CCBE1: variants seen among roughly 807,000 people sequenced by gnomAD.
CCBE1 encodes the protein collagen and calcium-binding EGF domain-containing protein 1.
A neutral mutation model predicts 50.0 loss-of-function variants in CCBE1; 37 were observed. The observed-to-expected ratio is 0.74, with a 90% CI of 0.57 to 0.97. The LOEUF (loss-of-function observed/expected upper bound fraction) is 0.97, where lower values mean the gene tolerates loss of function less well. Among genes scored for constraint, CCBE1 ranks in the 50% least tolerant of loss-of-function variants. The probability of loss-of-function intolerance (pLI) is 0.00; values close to 1 mark genes in which losing one functional copy is unlikely to be tolerated. For synonymous variants in CCBE1, 234 were observed against 203.7 expected, an observed-to-expected ratio of 1.15 and a Z score of -1.27; for missense variants, 538 against 523.8, an observed-to-expected ratio of 1.03 and a Z score of -0.26.
At chr18:59,462,413 C>T (rs1330282021) in intron 5 of CCBE1, 2 of 148,654 alleles carry the variant, frequency 1.3e-5, no homozygotes, top group African/African-American at 4.9e-5. Context: ...AGTTTCTTTT[C>T]TTTTTTTTTT....
At chr18:59,559,178 C>A (rs577229583) in intron 2 of CCBE1, among the ~76,000 whole-genome samples, 169 of 152,266 alleles carry the variant, frequency 1.1e-3, no homozygotes, top group African/African-American at 3.8e-3. Context: ...GGGTCTCCTG[C>A]AAGTGTGGAG....
chr18:59,562,200 T>A (rs1305401637), intron 2 of CCBE1, among the ~76,000 whole-genome samples: 1 of 139,266 alleles, frequency 7.2e-6, no homozygotes, highest in Non-Finnish European at 1.5e-5. Context: ...TGGTCTTTCA[T>A]GCATGTGTGT....
Position 59,559,997 on chromosome 18 carries a change from C to T in CCBE1, c.213-79759G>A, listed in dbSNP as rs193051986. Among the ~76,000 whole-genome samples the T allele has an allele frequency of 1.7e-3, 262 of 152,278 alleles. 1 individual carries two copies. The highest frequency in any genetic ancestry group is 6.0e-3 in the African/African-American group (250 of 41,556). On this transcript the variant is annotated intron_variant, in intron 2 of 10. Transcript: ENST00000439986. ...GGACTTTCACAGTGTTGCTGCAGGG[C>T]TATATGCATAGCCCTACCATATGTC...
chr18:59,541,913 A>G (rs936578949), intron 2 of CCBE1, among the ~76,000 whole-genome samples: 2 of 152,108 alleles, frequency 1.3e-5, no homozygotes, highest in African/African-American at 4.8e-5. Context: ...ATGGTGGCTC[A>G]TGCCTACAAT....
intron 2 of CCBE1, among the ~76,000 whole-genome samples, chr18:59,622,674 G>A (rs866960614): frequency 3.4e-5 from 5 of 148,902 alleles, no homozygotes; most frequent in South Asian, 2.2e-4. Context: ...GGTGGCATGC[G>A]CCTATAATCC....
chr18:59,474,027 T>A (rs1012758455), intron 3 of CCBE1, among the ~76,000 whole-genome samples: 1 of 152,252 alleles, frequency 6.6e-6, no homozygotes, highest in Non-Finnish European at 1.5e-5. Flanking sequence ...CTTAGGATTA[T>A]AGCCTCCAGC....
intron 5 of CCBE1, among the ~76,000 whole-genome samples, chr18:59,456,228 C>T (rs1911188226): frequency 6.6e-6 from 1 of 152,224 alleles, no homozygotes; most frequent in South Asian, 2.1e-4. Flanking sequence ...ACCAGGCTCA[C>T]TTCTTGGTAT....
intron 2 of CCBE1, among the ~76,000 whole-genome samples, chr18:59,560,204 G>A (rs961520515): frequency 6.6e-6 from 1 of 152,230 alleles, no homozygotes; most frequent in Non-Finnish European, 1.5e-5. Flanking sequence ...GGATGTGCAT[G>A]TAACCACAGA....
intron 2 of CCBE1, among the ~76,000 whole-genome samples, chr18:59,494,015 C>T (rs1223473063): frequency 3.3e-5 from 5 of 152,144 alleles, no homozygotes; most frequent in Admixed American, 2.0e-4. Context: ...GTGAGGCCTC[C>T]CCAGCCATGT....
chr18:59,492,088 T>C (rs1403679812), intron 2 of CCBE1, among the ~76,000 whole-genome samples: 1 of 127,692 alleles, frequency 7.8e-6, no homozygotes, highest in Admixed American at 9.8e-5. Context: ...GAGGTTGCAG[T>C]GGGCCAAGAT....
At chr18:59,510,224 G>C (rs907545256) in intron 2 of CCBE1, among the ~76,000 whole-genome samples, 1 of 152,154 alleles carries the variant, frequency 6.6e-6, no homozygotes, top group Non-Finnish European at 1.5e-5. Context: ...AGGATGCTGG[G>C]GCCATTAGCC....
At chr18:59,590,884 G>A (rs912968673) in intron 2 of CCBE1, among the ~76,000 whole-genome samples, 8 of 147,930 alleles carry the variant, frequency 5.4e-5, no homozygotes, top group African/African-American at 2.1e-4. Context: ...TGAGGTGTAA[G>A]TGTGAAAATT....
intron 2 of CCBE1, among the ~76,000 whole-genome samples, chr18:59,524,186 G>A (rs1204441201): frequency 6.6e-6 from 1 of 152,128 alleles, no homozygotes; most frequent in Non-Finnish European, 1.5e-5. Context: ...CAGACATGGT[G>A]GTACATGCCC....
intron 2 of CCBE1, among the ~76,000 whole-genome samples, chr18:59,532,476 A>AC (rs1915091601): frequency 6.6e-6 from 1 of 152,138 alleles, no homozygotes; most frequent in Non-Finnish European, 1.5e-5. Flanking sequence ...AGCTTGCTTC[A>AC]CCTACAAGGC....
chr18:59,597,358 A>G (rs1599047737), intron 2 of CCBE1, among the ~76,000 whole-genome samples: 1 of 152,358 alleles, frequency 6.6e-6, no homozygotes, highest in African/African-American at 2.4e-5. Flanking sequence ...CAGGAAAGGA[A>G]CAAAATGGGT....
intron 2 of CCBE1, among the ~76,000 whole-genome samples, chr18:59,495,608 CTT>C (rs572061962): frequency 1.2e-4 from 17 of 138,266 alleles, no homozygotes; most frequent in Admixed American, 1.5e-4. Context: ...GGGTGCTTGC[CTT>C]TTTTTTTTTT....
intron 2 of CCBE1, among the ~76,000 whole-genome samples, chr18:59,692,032 T>C (rs1412097785): frequency 6.6e-6 from 1 of 152,286 alleles, no homozygotes; most frequent in Non-Finnish European, 1.5e-5. Flanking sequence ...ACAAAGATAC[T>C]CTAATTTCCC....
intron 2 of CCBE1, among the ~76,000 whole-genome samples, chr18:59,679,155 C>G (rs371223866): frequency 2.7e-4 from 41 of 152,288 alleles, no homozygotes; most frequent in African/African-American, 9.6e-4. Context: ...ATACAGTGAT[C>G]TGCTCTACCA....
chr18:59,588,089 T>C (rs1213187234), intron 2 of CCBE1, among the ~76,000 whole-genome samples: 1 of 152,254 alleles, frequency 6.6e-6, no homozygotes, highest in East Asian at 1.9e-4. Flanking sequence ...AATAGATTGT[T>C]TTAGCAGAAT....
Sources: allele counts gnomAD v4.1 joint callset (sites outside exome capture counted in the v4.1 genomes callset), GRCh38; gene constraint gnomAD v4.1.1; transcripts MANE v1.5; gene names NCBI Gene and HGNC (gene_info 2026-07-23, HGNC 2026-07-21).